Variants in NBPF14 observed in about 807,000 individuals in gnomAD.
NBPF14 encodes the protein NBPF family member NBPF14.
A neutral mutation model predicts 91.2 loss-of-function variants in NBPF14; 104 were observed. The observed-to-expected ratio is 1.14, with a 90% CI of 0.97 to 1.34. The LOEUF (loss-of-function observed/expected upper bound fraction) is 1.34. Ranked by LOEUF, NBPF14 falls within the 40% of genes most tolerant of loss-of-function variation. The pLI, the probability that NBPF14 is intolerant of heterozygous loss-of-function variation, is 0.00. For synonymous variants in NBPF14, 294 were observed against 303.8 expected (o/e 0.97, Z 0.34); for missense variants, 908 against 783.0 (o/e 1.16, Z -1.91).
chr1:148,577,264 G>A, exon 15 of NBPF14: 2 of 641,892 alleles, frequency 3.1e-6, no homozygotes, highest in Non-Finnish European at 5.6e-6. Context: ...GAGTCAGTCA[G>A]TTCAAGACAA....
intron 22 of NBPF14, among the ~76,000 whole-genome samples, 183 bp from the exon 23 acceptor site, chr1:148,571,220 GAGAA>G (rs1465938704): frequency 1.4e-5 from 1 of 72,740 alleles, no homozygotes; most frequent in Non-Finnish European, 2.4e-5. Flanking sequence ...AAGAATGAAA[GAGAA>G]AGACAGATAG....
intron 6 of NBPF14, among the ~76,000 whole-genome samples, chr1:148,590,168 G>C (rs1260573641): frequency 7.2e-6 from 1 of 139,440 alleles, no homozygotes; most frequent in African/African-American, 2.6e-5. Context: ...TCCTGCCTCA[G>C]CCTCCTGAGT....
intron 69 of NBPF14, among the ~76,000 whole-genome samples, 180 bp from the exon 70 acceptor site, chr1:148,534,149 C>T (rs1415083008): frequency 2.0e-5 from 3 of 146,968 alleles, no homozygotes; most frequent in Admixed American, 7.0e-5. Flanking sequence ...GGTTTTTCTC[C>T]CAGAAACTGT....
At chr1:148,566,031 C>T in intron 29 of NBPF14, 112 bp downstream of exon 29, 7 of 260,294 alleles carry the variant, frequency 2.7e-5, no homozygotes, top group South Asian at 1.2e-4. Flanking sequence ...CCTATAGGTC[C>T]TCCCTGTGGC....
chr1:148,559,470 A>C (rs1455268586), intron 37 of NBPF14, among the ~76,000 whole-genome samples: 3 of 130,610 alleles, frequency 2.3e-5, no homozygotes, highest in African/African-American at 1.1e-4. Context: ...AATTAGAGTG[A>C]AGGATGAAAT....
chr1:148,550,776 C>G (rs1656187849), intron 48 of NBPF14, among the ~76,000 whole-genome samples: 45 of 94,200 alleles, frequency 4.8e-4, no homozygotes, highest in African/African-American at 1.2e-3. Flanking sequence ...GAGAAAGTGA[C>G]CTAGTGAATT....
rs1291102562 is a variant in NBPF14 at position 148,533,888 on chromosome 1, T to A, written c.8696A>T (p.Glu2899Val). The change falls in exon 70 of 71, where the codon GAA becomes GTA. Residue 2899 changes from glutamate to valine, a missense_variant. By Grantham distance (121) the Glu-to-Val change is moderately radical. Around this residue, in one of 13 missense-constraint regions of NBPF14, gnomAD observed 279 missense variants for 107.7 expected, o/e 2.59. Transcript: ENST00000619423. ...GGGGCATGGTGGGTTTTGATCTTCT[T>A]CCCCTTCTTTTCTTCCCCTTCTTCT... 39 of 760,384 alleles carry A rather than the reference T, an allele frequency of 5.1e-5. 1 individual carries two copies. The highest frequency in any genetic ancestry group is 3.9e-4 in the Admixed American group (22 of 57,022). The allele number at this position is 760,384 out of a possible 1,614,324, so 47.1% of individuals were successfully genotyped here.
intron 5 of NBPF14, 92 bp from the exon 6 acceptor site, chr1:148,591,060 A>T: frequency 7.4e-7 from 1 of 1,353,796 alleles, no homozygotes; most frequent in East Asian, 2.3e-5. Flanking sequence ...AGGTGGCATT[A>T]AGAGAGTGGT....
At chr1:148,577,414 C>T in intron 14 of NBPF14, 59 bp from the exon 15 acceptor site, 2 of 658,760 alleles carry the variant, frequency 3.0e-6, no homozygotes, top group Non-Finnish European at 5.5e-6. Context: ...CACACAGCCC[C>T]AGCTAGATTT....
rs1347711167 is a variant in NBPF14 at position 148,593,039 on chromosome 1, C to T, written c.279-273G>A. 1.1e-3 allele frequency among the ~76,000 whole-genome samples: 155 copies of T among 146,306 alleles called. 7 individuals are homozygous for T. The highest frequency in any genetic ancestry group is 1.9e-3 in the Non-Finnish European group (127 of 65,484). On this transcript the variant is annotated intron_variant, in intron 3 of 70. Transcript: ENST00000619423. ...AGTAGGTGTCTTCCTAATTCCGTTTCAAAAAGACATCCTTTCAGTTCCTCA... is the reference window on the plus strand; with the variant it reads ...AGTAGGTGTCTTCCTAATTCCGTTTTAAAAAGACATCCTTTCAGTTCCTCA...
At chr1:148,561,742 C>T (rs1570949924) in intron 34 of NBPF14, among the ~76,000 whole-genome samples, 163 bp from the exon 35 acceptor site, 2 of 107,726 alleles carry the variant, frequency 1.9e-5, no homozygotes, top group African/African-American at 6.0e-5. Context: ...CAGAACAGGG[C>T]CAAATGGAAA....
intron 14 of NBPF14, among the ~76,000 whole-genome samples, chr1:148,577,583 C>A (rs1570994277): frequency 6.6e-6 from 1 of 150,838 alleles, no homozygotes; most frequent in East Asian, 1.9e-4. Context: ...CACACTCACA[C>A]ACACACAGAG....
chr1:148,589,968 G>A (rs1662182464), intron 6 of NBPF14, among the ~76,000 whole-genome samples: 3 of 146,840 alleles, frequency 2.0e-5, no homozygotes, highest in Non-Finnish European at 4.6e-5. Context: ...CTGAGCTCAG[G>A]TGTTCCGCCC....
chr1:148,534,160 G>A (rs1654423128), intron 69 of NBPF14, among the ~76,000 whole-genome samples, 191 bp from the exon 70 acceptor site: 2 of 148,040 alleles, frequency 1.4e-5, no homozygotes, highest in African/African-American at 5.0e-5. Context: ...CAGAAACTGT[G>A]GGTAAAATGT....
At chr1:148,539,435 G>A (rs1655529642) in exon 63 of NBPF14, 1 of 311,632 alleles carries the variant, frequency 3.2e-6, no homozygotes, top group South Asian at 2.3e-5. Context: ...CCAAGCCAAG[G>A]TACTGTTCCT....
chr1:148,561,781 ACAC>A, intron 34 of NBPF14, among the ~76,000 whole-genome samples: 2 of 120,410 alleles, frequency 1.7e-5, no homozygotes, highest in Non-Finnish European at 3.1e-5. Context: ...AGATAGACAC[ACAC>A]ACACACACAC....
At chr1:148,566,562 G>A (rs1205526391) in intron 28 of NBPF14, among the ~76,000 whole-genome samples, 5 of 143,032 alleles carry the variant, frequency 3.5e-5, no homozygotes, top group African/African-American at 1.0e-4. Context: ...CACACACAGA[G>A]AACGAGCTCA....
chr1:148,534,766 T>A, exon 69 of NBPF14: 1 of 831,088 alleles, frequency 1.2e-6, no homozygotes, highest in Non-Finnish European at 2.1e-6. Flanking sequence ...AGTCAGGCAG[T>A]TCAAGATAAC....
rs1661280025 is a variant in NBPF14 at position 148,585,012 on chromosome 1, T to C, written c.1379+129A>G. 9.6e-6 allele frequency: 8 copies of C among 832,860 alleles called. No individual in the cohort carries two copies. In the South Asian group the frequency reaches 1.1e-4, roughly 12 times the overall value. 51.6% of individuals were successfully genotyped at this position (832,860 alleles called of 1,614,324 possible). A position where few individuals can be genotyped will look rare whatever the true frequency, so the allele number is the denominator to read the frequency against. Reference sequence around the variant, plus strand: ...TACCGCACCCTGTGTCTAAGCTGGATTATATTTCACATACTGTGGCCAAGC... The same window carrying C: ...TACCGCACCCTGTGTCTAAGCTGGACTATATTTCACATACTGTGGCCAAGC... On this transcript the variant is annotated intron_variant, in intron 10 of 70. Coordinates refer to ENST00000619423, the Ensembl canonical transcript of NBPF14.
Sources: allele counts gnomAD v4.1 joint callset (sites outside exome capture counted in the v4.1 genomes callset), GRCh38; gene constraint gnomAD v4.1.1; regional missense constraint gnomAD v4.1.1; transcripts MANE v1.5; gene names NCBI Gene and HGNC (gene_info 2026-07-23, HGNC 2026-07-21).